Variants in RBFOX1 observed in about 807,000 individuals in gnomAD.
RBFOX1 encodes the protein RNA binding protein fox-1 homolog 1.
A neutral mutation model predicts 57.7 loss-of-function variants in RBFOX1; 8 were observed. That is an observed-to-expected ratio of 0.14 (90% CI 0.08 to 0.25). The LOEUF (loss-of-function observed/expected upper bound fraction) is 0.25, where lower values mean the gene tolerates loss of function less well. RBFOX1 is among the 10% of genes least tolerant of loss of function. RBFOX1 has a pLI of 1.00. For missense variants in RBFOX1, 611 were observed against 548.5 expected (o/e 1.11, Z -1.14); for synonymous variants, 326 against 222.4 (o/e 1.47, Z -4.15).
chr16:5,706,025 G>C lies in RBFOX1; in HGVS notation c.318+107064G>C, dbSNP rs531922374. Reference sequence around the variant, plus strand: ...TCCCAGGTTCAAGCAATTCTCTTGCGTCTGCCTCCTGAGGAGCTGGGATTA... The same window carrying C: ...TCCCAGGTTCAAGCAATTCTCTTGCCTCTGCCTCCTGAGGAGCTGGGATTA... On this transcript the variant is annotated intron_variant, in intron 3 of 19. Coordinates refer to the RBFOX1 transcript ENST00000641259. 1.1e-3 allele frequency among the ~76,000 whole-genome samples: 164 copies of C among 152,068 alleles called. 4 individuals are homozygous for C. In the South Asian group the frequency reaches 0.03, roughly 28 times the overall value.
chr16:7,225,920 A>AT lies in RBFOX1; in HGVS notation c.27+173822_27+173823insT, dbSNP rs71147674. Among the ~76,000 whole-genome samples, 193 of 140,870 alleles carry AT rather than the reference A, an allele frequency of 1.4e-3. 1 individual carries two copies. The highest frequency in any genetic ancestry group is 4.1e-3 in the African/African-American group (151 of 36,904). The allele number at this position is 140,870 out of a possible 152,430, so 92.4% of individuals were successfully genotyped here. On this transcript the variant is annotated intron_variant, in intron 4 of 15. Transcript: ENST00000550418. ...AAGTATAATAAATATATATATATAT[A>AT]AATGTGAATGTCATGTTTCTGAGAT...
intron 2 of RBFOX1, among the ~76,000 whole-genome samples, chr16:5,558,575 C>A (rs73524731): frequency 0.032 from 4,898 of 152,212 alleles, 274 homozygotes; most frequent in African/African-American, 0.11. Context: ...AGTAGATAAT[C>A]TGAATTGGTC....
chr16:7,218,377 C>T (rs1567755722), intron 4 of RBFOX1, among the ~76,000 whole-genome samples: 1 of 151,990 alleles, frequency 6.6e-6, no homozygotes, highest in Admixed American at 6.6e-5. Flanking sequence ...TCCTATGAGA[C>T]AGAGTTAGAA....
intron 4 of RBFOX1, among the ~76,000 whole-genome samples, chr16:7,272,813 C>G (rs2095351569): frequency 6.6e-6 from 1 of 152,044 alleles, no homozygotes; most frequent in Non-Finnish European, 1.5e-5. Flanking sequence ...CTCTTGTTTT[C>G]TTTTAAAATC....
intron 3 of RBFOX1, among the ~76,000 whole-genome samples, chr16:6,736,403 T>C (rs1021137775): frequency 6.6e-6 from 1 of 152,274 alleles, no homozygotes; most frequent in African/African-American, 2.4e-5. Flanking sequence ...TGAGAAAATA[T>C]CATGTTTGGT....
intron 1 of RBFOX1, among the ~76,000 whole-genome samples, chr16:5,296,536 A>G (rs547478051): frequency 4.6e-5 from 7 of 151,858 alleles, no homozygotes; most frequent in African/African-American, 1.2e-4. Flanking sequence ...TCAGCAGTTC[A>G]ATAGAGGAAT....
At chr16:7,308,000 C>T (rs977833361) in intron 4 of RBFOX1, among the ~76,000 whole-genome samples, 4 of 152,190 alleles carry the variant, frequency 2.6e-5, no homozygotes, top group Non-Finnish European at 5.9e-5. Flanking sequence ...CTCATGGAAC[C>T]ATTCTTGCTT....
intron 1 of RBFOX1, among the ~76,000 whole-genome samples, chr16:6,170,947 T>A (rs2096955871): frequency 6.6e-6 from 1 of 152,184 alleles, no homozygotes; most frequent in Non-Finnish European, 1.5e-5. Context: ...TGCATAGTAT[T>A]CCATGGTATA....
chr16:7,414,848 C>G (rs528811525), intron 4 of RBFOX1, among the ~76,000 whole-genome samples: 1 of 152,284 alleles, frequency 6.6e-6, no homozygotes, highest in East Asian at 1.9e-4. Flanking sequence ...GAACTCCTGA[C>G]CTCAGGTGAT....
intron 1 of RBFOX1, among the ~76,000 whole-genome samples, chr16:6,135,460 G>A (rs1341943921): frequency 6.6e-6 from 1 of 152,122 alleles, no homozygotes; most frequent in Non-Finnish European, 1.5e-5. Context: ...ATAAAATTTT[G>A]CCACTTGTCC....
At chr16:6,893,023 G>T (rs147404242) in intron 3 of RBFOX1, among the ~76,000 whole-genome samples, 52 of 152,214 alleles carry the variant, frequency 3.4e-4, no homozygotes, top group African/African-American at 1.3e-3. Context: ...AAACACTGCA[G>T]TTACCTTTGC....
At chr16:6,649,316 A>G (rs532033943) in intron 2 of RBFOX1, among the ~76,000 whole-genome samples, 10 of 152,074 alleles carry the variant, frequency 6.6e-5, no homozygotes, top group Non-Finnish European at 1.5e-4. Context: ...GTGTATATAT[A>G]CCACATTTGC....
chr16:6,136,651 A>T (rs2096669591), intron 1 of RBFOX1, among the ~76,000 whole-genome samples: 1 of 152,164 alleles, frequency 6.6e-6, no homozygotes, highest in Admixed American at 6.5e-5. Context: ...GGGGCCCACA[A>T]AGACAAAATG....
intron 14 of RBFOX1, among the ~76,000 whole-genome samples, chr16:7,695,571 G>C (rs930592062): frequency 1.3e-5 from 2 of 148,230 alleles, no homozygotes; most frequent in African/African-American, 5.0e-5. Flanking sequence ...AGAATTGCTT[G>C]AACTGGGGAG....
At chr16:5,944,626 C>G (rs894645455) in intron 4 of RBFOX1, among the ~76,000 whole-genome samples, 7 of 151,214 alleles carry the variant, frequency 4.6e-5, no homozygotes, top group Non-Finnish European at 1.0e-4. Flanking sequence ...TCTATACTGT[C>G]CCCGCCATTG....
intron 3 of RBFOX1, among the ~76,000 whole-genome samples, chr16:5,852,273 G>C (rs1239957873): frequency 6.6e-6 from 1 of 152,082 alleles, no homozygotes; most frequent in African/African-American, 2.4e-5. Context: ...GCCTTAGGTC[G>C]AGTTCTCCAG....
At chr16:6,857,895 G>C (rs200253145) in intron 3 of RBFOX1, among the ~76,000 whole-genome samples, 1 of 152,160 alleles carries the variant, frequency 6.6e-6, no homozygotes, top group African/African-American at 2.4e-5. Context: ...GAGCTAATGA[G>C]CCTATCCCAC....
chr16:6,122,287 C>T (rs908769016), intron 1 of RBFOX1, among the ~76,000 whole-genome samples: 4 of 151,762 alleles, frequency 2.6e-5, no homozygotes, highest in Admixed American at 2.6e-4. Flanking sequence ...AGCCTCTTGA[C>T]AGTGGGGAAC....
At chr16:6,896,940 C>A (rs552123301) in intron 3 of RBFOX1, among the ~76,000 whole-genome samples, 1 of 152,066 alleles carries the variant, frequency 6.6e-6, no homozygotes, top group South Asian at 2.1e-4. Context: ...CAAAGAAACT[C>A]TGCCACAACT....
Sources: gnomAD v4.1 joint callset for allele counts (sites outside exome capture counted in the v4.1 genomes callset) on GRCh38, gnomAD v4.1.1 for gene constraint, MANE v1.5 for transcripts, NCBI Gene and HGNC (gene_info 2026-07-23, HGNC 2026-07-21) for gene names.